SRSF12: variants seen among roughly 807,000 people sequenced by gnomAD.
SRSF12 encodes the protein serine/arginine-rich splicing factor 12.
A neutral mutation model predicts 34.1 loss-of-function variants in SRSF12; 21 were observed. That is an observed-to-expected ratio of 0.62 (90% CI 0.44 to 0.89). The LOEUF (loss-of-function observed/expected upper bound fraction) is 0.89, where lower values mean the gene tolerates loss of function less well. Among genes scored for constraint, SRSF12 ranks in the 40% least tolerant of loss-of-function variants. The probability of loss-of-function intolerance (pLI) is 0.00; values close to 1 mark genes in which losing one functional copy is unlikely to be tolerated. For missense variants in SRSF12, 278 were observed against 327.8 expected (o/e 0.85, Z 1.17); for synonymous variants, 111 against 110.8 (o/e 1.00, Z -0.01).
chr6:89,102,341 G>A (rs528264275), intron 4 of SRSF12, among the ~76,000 whole-genome samples: 2 of 152,052 alleles, frequency 1.3e-5, no homozygotes, highest in Admixed American at 6.6e-5. Flanking sequence ...ATGGGGTTTC[G>A]CCATGTTGGC....
chr6:89,107,130 T>G (rs1171186187), intron 2 of SRSF12, 24 bp downstream of exon 2: 16 of 1,596,214 alleles, frequency 1.0e-5, no homozygotes, highest in Non-Finnish European at 1.4e-5. Flanking sequence ...TATATTCACA[T>G]GCACACAATA....
intron 1 of SRSF12, among the ~76,000 whole-genome samples, chr6:89,115,798 G>A (rs113581426): frequency 0.1 from 7,158 of 70,646 alleles, 214 homozygotes; most frequent in African/African-American, 0.19. Context: ...CACCACGCCC[G>A]TCTAATTTTT....
chr6:89,103,889 C>G (rs956698059), intron 4 of SRSF12, among the ~76,000 whole-genome samples: 3 of 151,988 alleles, frequency 2.0e-5, no homozygotes, highest in Admixed American at 6.6e-5. Flanking sequence ...TTCTTCAATA[C>G]TGCCATACTT....
chr6:89,110,678 G>C (rs146682765), intron 1 of SRSF12, among the ~76,000 whole-genome samples: 1 of 152,158 alleles, frequency 6.6e-6, no homozygotes, highest in African/African-American at 2.4e-5. Flanking sequence ...ATCGGCCTTA[G>C]GTTCCCTGCC....
At position 89,105,102 on chromosome 6, in the gene SRSF12, A is replaced by G. The variant is rs1768725735; in HGVS notation, c.416+17T>C. 7 of 1,554,624 alleles carry G rather than the reference A, an allele frequency of 4.5e-6. No individual in the cohort carries two copies. The highest frequency in any genetic ancestry group is 2.3e-5 in the East Asian group (1 of 44,046). On this transcript the variant is annotated intron_variant, in intron 4 of 4. Coordinates refer to ENST00000452027, the MANE Select transcript of SRSF12 (RefSeq NM_080743.5). ...AGAAAAAGTAGAAAATGAAATTTTC[A>G]GTCCTCTTATACTCACTCTTTAAGG...
At position 89,098,327 on chromosome 6, in the gene SRSF12, C is replaced by G. The variant is rs554819484; in HGVS notation, c.*251G>C. 20 of 341,390 alleles carry G rather than the reference C, an allele frequency of 5.9e-5. No individual in the cohort carries two copies. Among genetic ancestry groups the G allele is most frequent in the African/African-American group, 4.1e-4 (19 of 46,856 alleles). The allele number at this position is 341,390 out of a possible 1,614,324, so 21.1% of individuals were successfully genotyped here. A position where few individuals can be genotyped will look rare whatever the true frequency, so the allele number is the denominator to read the frequency against. ...TTACTCATTTCCCTTGAAAAGTACC[C>G]TTCTGCCACAATGTAAATAAAAAAT... On this transcript the variant is annotated 3_prime_UTR_variant, in exon 5 of 5. Coordinates refer to ENST00000452027, the MANE Select transcript of SRSF12 (RefSeq NM_080743.5).
chr6:89,105,327 A>G, intron 3 of SRSF12, 67 bp from the exon 4 acceptor site: 2 of 1,566,010 alleles, frequency 1.3e-6, no homozygotes, highest in Non-Finnish European at 1.7e-6. Context: ...CAACCACTCA[A>G]CTAGCAATCA....
intron 4 of SRSF12, among the ~76,000 whole-genome samples, chr6:89,099,385 GCTCT>G (rs1213727394): frequency 0.013 from 848 of 66,942 alleles, 16 homozygotes; most frequent in African/African-American, 0.043. Context: ...ATAGAAAACA[GCTCT>G]CTCTCTCTCT....
At chr6:89,111,346 T>A (rs1769041784) in intron 1 of SRSF12, among the ~76,000 whole-genome samples, 1 of 152,200 alleles carries the variant, frequency 6.6e-6, no homozygotes, top group Admixed American at 6.5e-5. Context: ...ATGTTGTAGT[T>A]TTTGGTGCAA....
intron 4 of SRSF12, among the ~76,000 whole-genome samples, chr6:89,102,222 C>T (rs1453662538): frequency 6.6e-6 from 1 of 152,060 alleles, no homozygotes; most frequent in Admixed American, 6.6e-5. Flanking sequence ...TGGCTCACTG[C>T]AACCTCTGTC....
chr6:89,109,258 T>C (rs1031862576), intron 1 of SRSF12, among the ~76,000 whole-genome samples: 40 of 152,204 alleles, frequency 2.6e-4, no homozygotes, highest in Non-Finnish European at 8.8e-5. Context: ...GTTTAATTTT[T>C]TCAGGACTTC....
At position 89,100,494 on chromosome 6, in the gene SRSF12, A is replaced by AT. The variant is rs1379839912; in HGVS notation, c.417-1548dup. On this transcript the variant is annotated intron_variant, in intron 4 of 4. Coordinates refer to ENST00000452027, the MANE Select transcript of SRSF12 (RefSeq NM_080743.5). ...GATAATGTCATGCAGAGCCTCTATAATTTTTTGTCCATGTCCACATGTTAT... is the reference window on the plus strand; with the variant it reads ...GATAATGTCATGCAGAGCCTCTATAATTTTTTTGTCCATGTCCACATGTTAT... 4.7e-5 allele frequency among the ~76,000 whole-genome samples: 7 copies of AT among 148,402 alleles called. No homozygotes were observed. The South Asian group carries it at 1.5e-3, about 33-fold the overall frequency.
rs1397755936 is a variant in SRSF12 at position 89,115,812 on chromosome 6, T to C, written c.65+2011A>G. Among the ~76,000 whole-genome samples the C allele has an allele frequency of 4.0e-5, 6 of 149,436 alleles. No individual in the cohort carries two copies. The East Asian group carries it at 8.0e-4, about 20-fold the overall frequency. On this transcript the variant is annotated intron_variant, in intron 1 of 4. Coordinates refer to ENST00000452027, the MANE Select transcript of SRSF12 (RefSeq NM_080743.5). Reference sequence around the variant, plus strand: ...CCACCACGCCCGTCTAATTTTTTTATTTTTAGTAGAGACGGGGTTTCATCG... The same window carrying C: ...CCACCACGCCCGTCTAATTTTTTTACTTTTAGTAGAGACGGGGTTTCATCG...
At chr6:89,104,427 G>A (rs777057468) in intron 4 of SRSF12, among the ~76,000 whole-genome samples, 2 of 151,256 alleles carry the variant, frequency 1.3e-5, no homozygotes, top group Non-Finnish European at 2.9e-5. Flanking sequence ...TAGTAGAGGC[G>A]GGGTTTCATC....
At chr6:89,106,154 CTT>C (rs575007771) in intron 2 of SRSF12, among the ~76,000 whole-genome samples, 157 of 152,274 alleles carry the variant, frequency 1.0e-3, no homozygotes, top group African/African-American at 3.7e-3. Flanking sequence ...GAGTTTCCCT[CTT>C]GTCACCCAGG....
chr6:89,111,678 G>C (rs917247291), intron 1 of SRSF12, among the ~76,000 whole-genome samples: 1 of 152,000 alleles, frequency 6.6e-6, no homozygotes, highest in African/African-American at 2.4e-5. Context: ...ATAAAACGTT[G>C]GCGGTTGTGA....
intron 2 of SRSF12, chr6:89,105,763 G>C (rs975410470): frequency 3.7e-6 from 1 of 269,084 alleles, no homozygotes; most frequent in Admixed American, 5.1e-5. Context: ...AAACAAACAT[G>C]TAACTGTACT....
chr6:89,099,103 C>T (rs550233221), intron 4 of SRSF12, among the ~76,000 whole-genome samples, 156 bp from the exon 5 acceptor site: 11 of 151,666 alleles, frequency 7.3e-5, no homozygotes, highest in Non-Finnish European at 1.5e-4. Flanking sequence ...GCTTTTGGTT[C>T]AAACATAAGT....
chr6:89,107,321 A>G lies in SRSF12; in HGVS notation c.66-63T>C, dbSNP rs1033048126. 17 of 1,318,172 alleles carry G rather than the reference A, an allele frequency of 1.3e-5. No homozygotes were observed. In the African/African-American group the frequency reaches 2.5e-4, roughly 19 times the overall value. 81.7% of individuals were successfully genotyped at this position (1,318,172 alleles called of 1,614,324 possible). ...AGCTGGATTAAAATATTTTGCCTAC[A>G]GAAATCCACTTGAAACCTTCAAAAG... On this transcript the variant is annotated intron_variant, in intron 1 of 4. Coordinates refer to ENST00000452027, the MANE Select transcript of SRSF12 (RefSeq NM_080743.5).
Sources: allele counts gnomAD v4.1 joint callset (sites outside exome capture counted in the v4.1 genomes callset), GRCh38; gene constraint gnomAD v4.1.1; transcripts MANE v1.5; gene names NCBI Gene and HGNC (gene_info 2026-07-23, HGNC 2026-07-21).